MACROH2A1: variants seen among roughly 807,000 people sequenced by gnomAD.
MACROH2A1 encodes the protein macroH2A.1 histone.
A neutral mutation model predicts 31.6 loss-of-function variants in MACROH2A1; 2 were observed. The ratio of observed to expected loss-of-function variants is 0.06; its 90% CI spans 0.03 to 0.20. The LOEUF is 0.20. Ranked by LOEUF, MACROH2A1 falls within the 10% of genes least tolerant of loss-of-function variation. The pLI is 1.00. For synonymous variants in MACROH2A1, 169 were observed against 189.6 expected (o/e 0.89, Z 0.89); for missense variants, 230 against 474.0 (o/e 0.49, Z 4.78).
In MACROH2A1 at chr5:135,372,649, T is replaced by C. The variant is rs563722577; in HGVS notation, c.173-2507A>G. ...CTTGGCCTTCATTCTCCTGTGTTCA[T>C]GGGCGGGAGAGCACATCCGTAATGC... is the stretch of plus-strand genomic sequence containing the variant. On this transcript the variant is annotated intron_variant, in intron 2 of 8. Transcript: ENST00000511689. Among the ~76,000 whole-genome samples the C allele has an allele frequency of 2.6e-5, 4 of 152,290 alleles. No homozygotes were observed. In the East Asian group the frequency reaches 5.8e-4, roughly 22 times the overall value.
intron 2 of MACROH2A1, among the ~76,000 whole-genome samples, chr5:135,383,083 T>C (rs1561655327): frequency 6.6e-6 from 1 of 152,220 alleles, no homozygotes; most frequent in Non-Finnish European, 1.5e-5. Context: ...CTTGGGTCTG[T>C]TAACTTGCTG....
chr5:135,387,330 TAAC>T (rs1412492833), intron 2 of MACROH2A1, among the ~76,000 whole-genome samples: 21 of 152,332 alleles, frequency 1.4e-4, no homozygotes, highest in African/African-American at 4.3e-4. Context: ...TACTTAAATC[TAAC>T]ACTATTACTT....
intron 5 of MACROH2A1, chr5:135,358,743 T>C: frequency 1.0e-6 from 1 of 957,916 alleles, no homozygotes; most frequent in Non-Finnish European, 1.2e-6. Flanking sequence ...TACTTTTCTA[T>C]GGCTTTTTGT....
intron 2 of MACROH2A1, among the ~76,000 whole-genome samples, chr5:135,386,891 C>G (rs1400597180): frequency 1.3e-5 from 2 of 152,196 alleles, no homozygotes; most frequent in Admixed American, 6.5e-5. Flanking sequence ...TGTGAACACC[C>G]CAGGAATGGG....
At chr5:135,340,524 G>A (rs563559790) in intron 8 of MACROH2A1, among the ~76,000 whole-genome samples, 18 of 152,248 alleles carry the variant, frequency 1.2e-4, no homozygotes, top group African/African-American at 2.9e-4. Context: ...CATAAATATC[G>A]TGACCAGAAT....
At chr5:135,347,195 G>C (rs549349080) in intron 6 of MACROH2A1, 1 of 152,334 alleles carries the variant, frequency 6.6e-6, no homozygotes, top group South Asian at 2.1e-4. Flanking sequence ...GCGATGACCA[G>C]GGTTAATTAT....
At position 135,365,781 on chromosome 5, in the gene MACROH2A1, C is replaced by T. The variant is rs562088424; in HGVS notation, c.477+3625G>A. Reference sequence around the variant, plus strand: ...AGTAAGTTCACTTTGAGGACTTTATCCTATACATTTACTTGCATGTGAGGA... The same window carrying T: ...AGTAAGTTCACTTTGAGGACTTTATTCTATACATTTACTTGCATGTGAGGA... On this transcript the variant is annotated intron_variant, in intron 4 of 8. Transcript: ENST00000511689. Among the ~76,000 whole-genome samples the T allele has an allele frequency of 7.2e-5, 11 of 152,274 alleles. No individual in the cohort carries two copies. The South Asian group carries it at 1.9e-3, about 26-fold the overall frequency.
chr5:135,393,907 G>A (rs1369031734), intron 1 of MACROH2A1, among the ~76,000 whole-genome samples: 1 of 152,152 alleles, frequency 6.6e-6, no homozygotes, highest in Non-Finnish European at 1.5e-5. Flanking sequence ...AACTTTTATA[G>A]AGGAGCTGGA....
At chr5:135,366,825 A>G (rs1763563505) in intron 4 of MACROH2A1, among the ~76,000 whole-genome samples, 1 of 152,156 alleles carries the variant, frequency 6.6e-6, no homozygotes, top group Non-Finnish European at 1.5e-5. Flanking sequence ...GTAAGGCTGG[A>G]ATGGACCTGA....
At chr5:135,335,183 G>T (rs745693937) in intron 8 of MACROH2A1, 42 bp from the exon 9 acceptor site, 1 of 1,523,824 alleles carries the variant, frequency 6.6e-7, no homozygotes, top group Non-Finnish European at 9.1e-7. Flanking sequence ...GGGATGCCAC[G>T]GGGGCTGCAG....
chr5:135,365,361 C>A (rs1180925229), intron 4 of MACROH2A1, among the ~76,000 whole-genome samples: 2 of 152,140 alleles, frequency 1.3e-5, no homozygotes, highest in African/African-American at 2.4e-5. Context: ...TGCCCCCAGT[C>A]ACTTCAATGG....
At chr5:135,352,807 C>T (rs1044101937) in intron 6 of MACROH2A1, 139 bp downstream of exon 6, 7 of 639,222 alleles carry the variant, frequency 1.1e-5, no homozygotes, top group South Asian at 5.6e-5. Flanking sequence ...TGATATTCAG[C>T]GTCTACACTC....
Position 135,369,311 on chromosome 5 carries a change from T to C in MACROH2A1, c.477+95A>G. 1 of 973,370 alleles carries C rather than the reference T, an allele frequency of 1.0e-6. No homozygotes were observed. The highest frequency in any genetic ancestry group is 1.6e-6 in the Non-Finnish European group (1 of 610,482). The allele number at this position is 973,370 out of a possible 1,614,324, so 60.3% of individuals were successfully genotyped here. ...CTCCTTTATTCTCCCATCAGTGGGATGAGCCCACAGGGGGAATGAGGGGGG... is the reference window on the plus strand; with the variant it reads ...CTCCTTTATTCTCCCATCAGTGGGACGAGCCCACAGGGGGAATGAGGGGGG... On this transcript the variant is annotated intron_variant, in intron 4 of 8. Transcript: ENST00000511689. The surrounding 1 kb of genome is among the most constrained non-coding windows in gnomAD (Gnocchi z 4.3).
intron 1 of MACROH2A1, among the ~76,000 whole-genome samples, chr5:135,389,498 G>A (rs1249790181): frequency 1.3e-5 from 2 of 152,090 alleles, no homozygotes; most frequent in African/African-American, 4.8e-5. Flanking sequence ...AAACAGCTAT[G>A]ACACCCTCCC....
Position 135,334,696 on chromosome 5 carries a change from T to C in MACROH2A1, c.*280A>G, listed in dbSNP as rs552126314. On this transcript the variant is annotated 3_prime_UTR_variant, in exon 9 of 9. Transcript: ENST00000511689. ...CCCCACTGCTGTGCGTCAATCAGGG[T>C]TTCATTAAAATAAAACTATAAAATC... 2 of 315,386 alleles carry C rather than the reference T, an allele frequency of 6.3e-6. No individual in the cohort carries two copies. Among genetic ancestry groups the C allele is most frequent in the African/African-American group, 4.3e-5 (2 of 46,686 alleles). The allele number at this position is 315,386 out of a possible 1,614,324, so 19.5% of individuals were successfully genotyped here.
At chr5:135,387,315 A>G (rs1293901009) in intron 2 of MACROH2A1, among the ~76,000 whole-genome samples, 1 of 152,222 alleles carries the variant, frequency 6.6e-6, no homozygotes, top group Non-Finnish European at 1.5e-5. Flanking sequence ...CAAAATATGT[A>G]CAAATACTTA....
chr5:135,375,008 G>A (rs1019250332), intron 2 of MACROH2A1, among the ~76,000 whole-genome samples: 1 of 152,206 alleles, frequency 6.6e-6, no homozygotes, highest in Non-Finnish European at 1.5e-5. Context: ...GGGGCCCAAG[G>A]CGCTTAGGGT....
At chr5:135,339,706 A>G (rs1759456245) in intron 8 of MACROH2A1, among the ~76,000 whole-genome samples, 1 of 152,102 alleles carries the variant, frequency 6.6e-6, no homozygotes, top group Non-Finnish European at 1.5e-5. Context: ...TTTTTTAGTA[A>G]TTGCCAGGTT....
chr5:135,391,988 T>A (rs1170577472), intron 1 of MACROH2A1, among the ~76,000 whole-genome samples: 2 of 152,234 alleles, frequency 1.3e-5, no homozygotes, highest in African/African-American at 4.8e-5. Flanking sequence ...TTGGTGGCAC[T>A]GCTTCCTGTC....
Sources: allele counts gnomAD v4.1 joint callset (sites outside exome capture counted in the v4.1 genomes callset), GRCh38; gene constraint gnomAD v4.1.1; non-coding constraint Gnocchi (gnomAD v3.1); transcripts MANE v1.5; gene names NCBI Gene and HGNC (gene_info 2026-07-23, HGNC 2026-07-21).